FBXL13: variants seen among roughly 807,000 people sequenced by gnomAD.
FBXL13 encodes F-box and leucine rich repeat protein 13, also known as F-box and leucine-rich repeat protein 13.
Under a neutral mutation model 83.6 loss-of-function variants are expected in FBXL13, and 67 were observed. The ratio of observed to expected loss-of-function variants is 0.80; its 90% CI spans 0.66 to 0.98. The LOEUF is 0.98. FBXL13 is among the 50% of genes least tolerant of loss of function. The probability of loss-of-function intolerance (pLI) is 0.00; values close to 1 mark genes in which losing one functional copy is unlikely to be tolerated. For missense variants in FBXL13, 822 were observed against 866.5 expected (o/e 0.95, Z 0.64); for synonymous variants, 272 against 299.5 (o/e 0.91, Z 0.95).
At chr7:102,944,387 A>AC (rs1297005480) in intron 8 of FBXL13, 2 of 1,613,964 alleles carry the variant, frequency 1.2e-6, no homozygotes, top group African/African-American at 1.3e-5. Context: ...AAGCACCACT[A>AC]CAATGTCCAT....
At chr7:102,970,737 GA>G (rs1826549930) in intron 6 of FBXL13, among the ~76,000 whole-genome samples, 1 of 152,164 alleles carries the variant, frequency 6.6e-6, no homozygotes, top group East Asian at 1.9e-4. Context: ...GTCAAAACAG[GA>G]CTGGGAAGAT....
intron 8 of FBXL13, among the ~76,000 whole-genome samples, chr7:102,941,404 C>T (rs1821395989): frequency 6.6e-6 from 1 of 152,086 alleles, no homozygotes; most frequent in South Asian, 2.1e-4. Context: ...CCAATCAGCA[C>T]TCCCCACTTC....
intron 17 of FBXL13, among the ~76,000 whole-genome samples, chr7:102,854,057 A>G (rs1805666447): frequency 6.6e-6 from 1 of 152,170 alleles, no homozygotes; most frequent in African/African-American, 2.4e-5. Context: ...TGCCGCTATA[A>G]AGACACATGC....
intron 11 of FBXL13, among the ~76,000 whole-genome samples, chr7:102,909,039 G>A (rs1361563113): frequency 1.3e-5 from 2 of 152,216 alleles, no homozygotes; most frequent in African/African-American, 4.8e-5. Flanking sequence ...GGGAATCAGG[G>A]ATTAGAGTCA....
At chr7:102,880,746 C>G (rs774653933) in intron 14 of FBXL13, among the ~76,000 whole-genome samples, 2 of 152,114 alleles carry the variant, frequency 1.3e-5, no homozygotes, top group African/African-American at 2.4e-5. Context: ...TAATCTCTAG[C>G]CTGAGAAGCT....
intron 1 of FBXL13, among the ~76,000 whole-genome samples, chr7:103,061,193 TTTC>T (rs1257084264): frequency 6.6e-6 from 1 of 151,992 alleles, no homozygotes; most frequent in Non-Finnish European, 1.5e-5. Flanking sequence ...TTTTTGTTTT[TTTC>T]TTTTTTGTTT....
At chr7:103,056,563 A>G (rs1187827863) in intron 1 of FBXL13, among the ~76,000 whole-genome samples, 1 of 151,948 alleles carries the variant, frequency 6.6e-6, no homozygotes, top group Non-Finnish European at 1.5e-5. Flanking sequence ...GGTTCAAGCG[A>G]TTCTTCTGTC....
chr7:102,935,036 T>A (rs1820013004), intron 8 of FBXL13, among the ~76,000 whole-genome samples: 1 of 152,110 alleles, frequency 6.6e-6, no homozygotes, highest in Non-Finnish European at 1.5e-5. Context: ...GCAAATGCCA[T>A]CTATATAACC....
chr7:102,907,274 G>T (rs1011750593), intron 11 of FBXL13, among the ~76,000 whole-genome samples: 1 of 152,004 alleles, frequency 6.6e-6, no homozygotes, highest in East Asian at 1.9e-4. Flanking sequence ...TTGCCCTTTT[G>T]AAATTATTTT....
intron 10 of FBXL13, among the ~76,000 whole-genome samples, chr7:102,920,325 A>G (rs1816734914): frequency 6.6e-6 from 1 of 152,206 alleles, no homozygotes; most frequent in African/African-American, 2.4e-5. Context: ...CAGTAACATA[A>G]AAATCAAAAC....
intron 6 of FBXL13, among the ~76,000 whole-genome samples, chr7:103,012,428 G>T (rs1791748566): frequency 6.7e-6 from 1 of 149,840 alleles, no homozygotes; most frequent in East Asian, 2.0e-4. Flanking sequence ...CATCTGCTAA[G>T]AGAACCCCAT....
At chr7:102,873,092 G>T (rs1584727440) in intron 16 of FBXL13, among the ~76,000 whole-genome samples, 1 of 152,094 alleles carries the variant, frequency 6.6e-6, no homozygotes, top group East Asian at 1.9e-4. Flanking sequence ...TAAATGTCTG[G>T]ATTTTTGCCT....
chr7:102,989,202 T>C (rs1202842310), intron 6 of FBXL13, among the ~76,000 whole-genome samples: 4 of 152,206 alleles, frequency 2.6e-5, no homozygotes, highest in Non-Finnish European at 5.9e-5. Flanking sequence ...GCATGAATAA[T>C]TGACAAATTT....
chr7:103,038,365 TTC>T (rs1194249235), intron 2 of FBXL13, among the ~76,000 whole-genome samples: 6 of 152,202 alleles, frequency 3.9e-5, no homozygotes, highest in African/African-American at 1.4e-4. Context: ...CCTCTATAGA[TTC>T]CACCTCTGGG....
chr7:102,935,644 G>T (rs1213776544), intron 8 of FBXL13, among the ~76,000 whole-genome samples: 3 of 152,156 alleles, frequency 2.0e-5, no homozygotes. Flanking sequence ...GGAGATTTTA[G>T]TAATGCTCTT....
chr7:102,896,052 G>A (rs946905112), intron 11 of FBXL13, among the ~76,000 whole-genome samples: 6 of 152,206 alleles, frequency 3.9e-5, no homozygotes, highest in Non-Finnish European at 8.8e-5. Flanking sequence ...GCATGAGCCT[G>A]CTTATGTTTT....
chr7:102,916,213 T>G (rs1436784535), intron 10 of FBXL13, among the ~76,000 whole-genome samples: 1 of 152,040 alleles, frequency 6.6e-6, no homozygotes, highest in Non-Finnish European at 1.5e-5. Flanking sequence ...TCTCAAACTC[T>G]TGACCTCAGG....
At chr7:102,944,366 A>G in intron 8 of FBXL13, 1 of 1,614,104 alleles carries the variant, frequency 6.2e-7, no homozygotes, top group Non-Finnish European at 8.5e-7. Context: ...CACTACCTCT[A>G]CTACTGGTTA....
chr7:102,878,368 G>A (rs115017326), exon 15 of FBXL13: 250 of 1,608,640 alleles, frequency 1.6e-4, no homozygotes, highest in East Asian at 3.1e-4. Flanking sequence ...TCACTTAGCC[G>A]CACACAGTTG....
Sources: gnomAD v4.1 joint callset for allele counts (sites outside exome capture counted in the v4.1 genomes callset) on GRCh38, gnomAD v4.1.1 for gene constraint, MANE v1.5 for transcripts, NCBI Gene and HGNC (gene_info 2026-07-23, HGNC 2026-07-21) for gene names.